The following FLVCR2 variants were observed in gnomAD, a reference collection of about 807,000 sequenced individuals.
The protein encoded by FLVCR2 is choline/ethanolamine transporter FLVCR2.
A neutral mutation model predicts 48.9 loss-of-function variants in FLVCR2; 38 were observed. The ratio of observed to expected loss-of-function variants is 0.78; its 90% CI spans 0.60 to 1.02. The LOEUF (loss-of-function observed/expected upper bound fraction) is 1.02. Ranked by LOEUF, FLVCR2 falls within the 50% of genes least tolerant of loss-of-function variation. The probability of loss-of-function intolerance (pLI) is 0.00; values close to 1 mark genes in which losing one functional copy is unlikely to be tolerated. For missense variants in FLVCR2, 664 were observed against 663.3 expected, an observed-to-expected ratio of 1.00 and a Z score of -0.01; for synonymous variants, 255 against 257.0, an observed-to-expected ratio of 0.99 and a Z score of 0.07.
At chr14:75,580,550 A>G (rs180779847) in intron 1 of FLVCR2, among the ~76,000 whole-genome samples, 2 of 152,360 alleles carry the variant, frequency 1.3e-5, no homozygotes, top group Admixed American at 6.5e-5. Context: ...TGTGAGCAAC[A>G]AGGCTGTTTA....
chr14:75,645,431 G>A (rs181152053), intron 9 of FLVCR2, among the ~76,000 whole-genome samples: 364 of 152,264 alleles, frequency 2.4e-3, no homozygotes, highest in African/African-American at 8.3e-3. Context: ...GGCCCAGGTT[G>A]GCAGTATGTA....
chr14:75,608,671 G>A (rs1370032478), intron 1 of FLVCR2, among the ~76,000 whole-genome samples: 3 of 152,194 alleles, frequency 2.0e-5, no homozygotes, highest in Non-Finnish European at 4.4e-5. Flanking sequence ...GTAGGGCTTG[G>A]ACAGCCCTTG....
rs1342912841 is a variant in FLVCR2 at position 75,622,195 on chromosome 14, TCTC to T, written c.793_795del (p.Leu265del). 1.2e-6 allele frequency: 2 copies of T among 1,613,538 alleles called. No individual in the cohort carries two copies. The highest frequency in any genetic ancestry group is 4.5e-5 in the East Asian group (2 of 44,878). On this transcript the variant is annotated inframe_deletion, in exon 2 of 10. Coordinates refer to ENST00000238667, the MANE Select transcript of FLVCR2 (RefSeq NM_017791.3). ...TCTATATAATAGGAGGTGTGGCCAC[TCTC>T]CTCCTCATCCTTGTCATCATTGGTA...
At chr14:75,594,599 G>A (rs2140011717) in intron 1 of FLVCR2, among the ~76,000 whole-genome samples, 1 of 152,340 alleles carries the variant, frequency 6.6e-6, no homozygotes, top group Non-Finnish European at 1.5e-5. Flanking sequence ...CCTTCTTGCT[G>A]CATCATAACA....
rs200898385 is a variant in FLVCR2, at chr14:75,622,202, C to T, written c.793C>T (p.Leu265Phe). The change falls in exon 2 of 10, where the codon CTC becomes TTC. Residue 265 changes from leucine (L) to phenylalanine (F), a missense_variant. Leu to Phe is a conservative substitution (Grantham distance 22). Transcript: ENST00000238667. ...YIIGGVATLLLILVIIVFKEK... is the reference protein window; with the variant it reads ...YIIGGVATLLFILVIIVFKEK... ...AATAGGAGGTGTGGCCACTCTCCTC[C>T]TCATCCTTGTCATCATTGGTAAGGT... 6.8e-6 allele frequency: 11 copies of T among 1,614,054 alleles called. No individual in the cohort carries two copies. The South Asian group carries it at 1.1e-4, about 16-fold the overall frequency.
chr14:75,647,642 A>C lies in FLVCR2; in HGVS notation c.*1170A>C, dbSNP rs2140059880. The C allele has an allele frequency of 6.6e-6, 1 of 152,542 alleles. No homozygotes were observed. Among genetic ancestry groups the C allele is most frequent in the Middle Eastern group, 3.4e-3 (1 of 294 alleles). The allele number at this position is 152,542 out of a possible 1,614,324, so 9.4% of individuals were successfully genotyped here. Reference sequence around the variant, plus strand: ...ACTTAAAGGGATTCCCTTTAAACCAACTCAAGCTGATCTTTCCTATCTAGC... The same window carrying C: ...ACTTAAAGGGATTCCCTTTAAACCACCTCAAGCTGATCTTTCCTATCTAGC... On this transcript the variant is annotated 3_prime_UTR_variant, in exon 10 of 10. Coordinates refer to ENST00000238667, the MANE Select transcript of FLVCR2 (RefSeq NM_017791.3).
Position 75,618,263 on chromosome 14 carries a change from G to A in FLVCR2, c.670-3816G>A, listed in dbSNP as rs189155213. ...AGGCCAGTATCTCCCCAACTCCCTTGATGAAGATGGGGATGCCTGCATATG... is the reference window on the plus strand; with the variant it reads ...AGGCCAGTATCTCCCCAACTCCCTTAATGAAGATGGGGATGCCTGCATATG... On this transcript the variant is annotated intron_variant, in intron 1 of 9. Coordinates refer to ENST00000238667, the MANE Select transcript of FLVCR2 (RefSeq NM_017791.3). Among the ~76,000 whole-genome samples the A allele has an allele frequency of 1.8e-3, 280 of 152,302 alleles. 1 individual carries two copies. The highest frequency in any genetic ancestry group is 6.4e-3 in the African/African-American group (268 of 41,564).
chr14:75,627,613 C>T (rs1889936409), intron 3 of FLVCR2, among the ~76,000 whole-genome samples: 2 of 152,238 alleles, frequency 1.3e-5, no homozygotes, highest in South Asian at 4.1e-4. Context: ...ATTTGACCTA[C>T]CTAGCAGGTC....
At position 75,604,483 on chromosome 14, in the gene FLVCR2, A is replaced by G. The variant is rs1382185754; in HGVS notation, c.670-17596A>G. ...ACATGCCTGTAATCTCAGCACTTTG[A>G]GAGGCCAAGAGGGAGGATTGCTTAA... On this transcript the variant is annotated intron_variant, in intron 1 of 9. Coordinates refer to ENST00000238667, the MANE Select transcript of FLVCR2 (RefSeq NM_017791.3). Among the ~76,000 whole-genome samples the G allele has an allele frequency of 2.6e-5, 4 of 152,146 alleles. No individual in the cohort carries two copies. In the East Asian group the frequency reaches 5.8e-4, roughly 22 times the overall value.
rs1447192892 is a variant in FLVCR2 at position 75,585,334 on chromosome 14, C to T, written c.669+5693C>T. 3.3e-5 allele frequency among the ~76,000 whole-genome samples: 5 copies of T among 152,150 alleles called. No individual in the cohort carries two copies. In the South Asian group the frequency reaches 8.3e-4, roughly 25 times the overall value. ...TCTAGATCTTGTAGGATGGACAGATCGAAAGTGCCATTCTCTGGTCACTTG... is the reference window on the plus strand; with the variant it reads ...TCTAGATCTTGTAGGATGGACAGATTGAAAGTGCCATTCTCTGGTCACTTG... On this transcript the variant is annotated intron_variant, in intron 1 of 9. Coordinates refer to ENST00000238667, the MANE Select transcript of FLVCR2 (RefSeq NM_017791.3).
intron 5 of FLVCR2, among the ~76,000 whole-genome samples, chr14:75,635,872 T>C (rs112580664): frequency 0.012 from 1,824 of 152,074 alleles, 46 homozygotes; most frequent in African/African-American, 0.042. Context: ...AAATGTTTTA[T>C]CGGTGTGCAC....
intron 1 of FLVCR2, among the ~76,000 whole-genome samples, chr14:75,609,784 C>G (rs1012151318): frequency 6.6e-6 from 1 of 152,100 alleles, no homozygotes; most frequent in Non-Finnish European, 1.5e-5. Context: ...TTGGTCGTCA[C>G]GTGAGCATCC....
In FLVCR2 at chr14:75,633,289, C is replaced by A. The variant is rs73305499; in HGVS notation, c.953-340C>A. Among the ~76,000 whole-genome samples, 774 of 152,224 alleles carry A rather than the reference C, an allele frequency of 5.1e-3. 7 individuals carry two copies. Among genetic ancestry groups the A allele is most frequent in the African/African-American group, 0.018 (738 of 41,534 alleles). On this transcript the variant is annotated intron_variant, in intron 3 of 9. Transcript: ENST00000238667. The stretch of plus-strand genomic sequence containing the variant: ...GGGTGTCCAGGACTTCTACTGACCA[C>A]CCCTTAGATCTACCCAACGCTTAAG...
At chr14:75,593,271 A>G (rs1888929656) in intron 1 of FLVCR2, among the ~76,000 whole-genome samples, 1 of 152,178 alleles carries the variant, frequency 6.6e-6, no homozygotes, top group South Asian at 2.1e-4. Context: ...TGTCTGTCTT[A>G]GATCATTTTG....
chr14:75,583,175 T>G (rs533464454), intron 1 of FLVCR2, among the ~76,000 whole-genome samples: 17 of 152,104 alleles, frequency 1.1e-4, no homozygotes, highest in African/African-American at 4.1e-4. Flanking sequence ...TAATCGGTTA[T>G]GGAGGGGTTG....
chr14:75,588,327 G>A (rs1007143113), intron 1 of FLVCR2, among the ~76,000 whole-genome samples: 3 of 152,128 alleles, frequency 2.0e-5, no homozygotes, highest in African/African-American at 7.2e-5. Context: ...ACAAGAGAGG[G>A]CCAAACTGAC....
intron 3 of FLVCR2, among the ~76,000 whole-genome samples, chr14:75,626,058 C>A (rs1348144510): frequency 6.6e-6 from 1 of 151,130 alleles, no homozygotes; most frequent in Non-Finnish European, 1.5e-5. Context: ...GTGGTGCGAT[C>A]TGGGCTTACT....
intron 3 of FLVCR2, among the ~76,000 whole-genome samples, chr14:75,632,300 A>C (rs1438373237): frequency 2.0e-5 from 3 of 152,226 alleles, no homozygotes; most frequent in Non-Finnish European, 4.4e-5. Flanking sequence ...GGAACCTGAT[A>C]AAGGGAGTAC....
intron 2 of FLVCR2, 22 bp downstream of exon 2, chr14:75,622,242 T>C (rs552005010): frequency 6.2e-7 from 1 of 1,613,576 alleles, no homozygotes; most frequent in Non-Finnish European, 8.5e-7. Context: ...AGTAAACAGA[T>C]GGGGTAGCAG....
Sources: gnomAD v4.1 joint callset for allele counts (sites outside exome capture counted in the v4.1 genomes callset) on GRCh38, gnomAD v4.1.1 for gene constraint, MANE v1.5 for transcripts, NCBI Gene and HGNC (gene_info 2026-07-23, HGNC 2026-07-21) for gene names.